MROH7: variants seen among roughly 807,000 people sequenced by gnomAD.
MROH7 encodes the protein maestro heat like repeat family member 7, also known as maestro heat-like repeat-containing protein family member 7.
MROH7 carries 113 observed loss-of-function variants against 129.2 expected under a neutral mutation model. That is an observed-to-expected ratio of 0.87 (90% CI 0.75 to 1.02). The LOEUF is 1.02. Ranked by LOEUF, MROH7 falls within the 50% of genes least tolerant of loss-of-function variation. MROH7 has a pLI of 0.00. For missense variants in MROH7, 1,601 were observed against 1,671.3 expected, an observed-to-expected ratio of 0.96 and a Z score of 0.73; for synonymous variants, 655 against 667.9, an observed-to-expected ratio of 0.98 and a Z score of 0.30.
chr1:54,685,092 A>G (rs1341495797), intron 14 of MROH7, among the ~76,000 whole-genome samples: 1 of 150,956 alleles, frequency 6.6e-6, no homozygotes, highest in East Asian at 2.0e-4. Flanking sequence ...TTGGTTCACC[A>G]CAACCCCTCC....
At position 54,653,576 on chromosome 1, in the gene MROH7, T is replaced by G. The variant is rs1361524559; in HGVS notation, c.650T>G (p.Leu217Trp). 1 of 1,614,150 alleles carries G rather than the reference T, an allele frequency of 6.2e-7. No individual in the cohort carries two copies. Among genetic ancestry groups the G allele is most frequent in the Non-Finnish European group, 8.5e-7 (1 of 1,180,018 alleles). The part of the protein sequence containing the change: ...NSSLDLDSNP[L>W]LNMGSRNTSK... The stretch of plus-strand genomic sequence containing the variant: ...TCTCTGGACCTTGACTCCAATCCAT[T>G]GCTCAACATGGGCTCAAGAAACACC... The change falls in exon 3 of 24, where the codon TTG becomes TGG. Residue 217 changes from leucine (L) to tryptophan (W), a missense_variant. Leu to Trp is a moderately conservative substitution (Grantham distance 61, BLOSUM62 -2). Coordinates refer to ENST00000421030, the MANE Select transcript of MROH7 (RefSeq NM_001039464.4).
In MROH7 at chr1:54,652,140, G is replaced by A. The variant is rs562032060; in HGVS notation, c.-75+157G>A. ...CTCCTCCACAGAGCCCACTTCACCC[G>A]GAACAAGCAAACTGTTAAGGCTATA... On this transcript the variant is annotated intron_variant, in intron 2 of 23. Transcript: ENST00000421030. Among the ~76,000 whole-genome samples, 89 of 152,156 alleles carry A rather than the reference G, an allele frequency of 5.8e-4. No individual in the cohort carries two copies. The South Asian group carries it at 0.018, about 30-fold the overall frequency.
chr1:54,694,157 C>G (rs187896720), intron 16 of MROH7, among the ~76,000 whole-genome samples: 1 of 152,204 alleles, frequency 6.6e-6, no homozygotes, highest in African/African-American at 2.4e-5. Context: ...GTTCGGATTA[C>G]AGGCGTGAGC....
At chr1:54,695,642 C>T (rs959580489) in intron 17 of MROH7, 152 bp downstream of exon 17, 11 of 689,496 alleles carry the variant, frequency 1.6e-5, no homozygotes, top group South Asian at 6.2e-5. Flanking sequence ...TTGTTGGTCT[C>T]CCTCCCTCCC....
At chr1:54,702,787 T>C (rs1392724624) in intron 21 of MROH7, 42 bp downstream of exon 21, 1 of 1,568,944 alleles carries the variant, frequency 6.4e-7, no homozygotes, top group Admixed American at 1.9e-5. Context: ...TACAAGCATG[T>C]TGGAGGTGGC....
chr1:54,676,381 G>T (rs1304583555), intron 10 of MROH7, among the ~76,000 whole-genome samples: 1 of 151,956 alleles, frequency 6.6e-6, no homozygotes, highest in Non-Finnish European at 1.5e-5. Flanking sequence ...GGGACTACAG[G>T]CACGTGCCAC....
chr1:54,690,459 T>A (rs1381704795), intron 15 of MROH7, among the ~76,000 whole-genome samples: 1 of 151,722 alleles, frequency 6.6e-6, no homozygotes, highest in Non-Finnish European at 1.5e-5. Context: ...TTTCCTTTTT[T>A]TTTTTAGACG....
At chr1:54,673,070 T>C in intron 7 of MROH7, 21 bp from the exon 8 acceptor site, 1 of 1,593,306 alleles carries the variant, frequency 6.3e-7, no homozygotes, top group Non-Finnish European at 8.6e-7. Flanking sequence ...CTTAGTGGCT[T>C]GGTCCTCCTC....
intron 1 of MROH7, among the ~76,000 whole-genome samples, chr1:54,645,156 A>G (rs577928386): frequency 9.2e-5 from 14 of 152,326 alleles, no homozygotes; most frequent in Admixed American, 3.9e-4. Flanking sequence ...CAAAAATTCC[A>G]ACATCTGATT....
chr1:54,655,665 G>A (rs570610772), intron 3 of MROH7, among the ~76,000 whole-genome samples: 1 of 151,938 alleles, frequency 6.6e-6, no homozygotes, highest in Non-Finnish European at 1.5e-5. Context: ...CTACAGGCAT[G>A]TTCCACCATG....
intron 16 of MROH7, 63 bp downstream of exon 16, chr1:54,692,624 TC>T (rs1426006577): frequency 6.5e-7 from 1 of 1,536,002 alleles, no homozygotes; most frequent in Non-Finnish European, 8.8e-7. Context: ...CTCAGGATCT[TC>T]AGACGGACTT....
chr1:54,686,439 T>C lies in MROH7; in HGVS notation c.2702T>C (p.Val901Ala), dbSNP rs776457719. ...TKKGAQPSPF[V>A]PVRWVVKVVK... Reference sequence around the variant, plus strand: ...AAGGGTGCACAGCCCTCTCCCTTCGTACCTGTGCGGTATGCTCTGCCCTCT... The same window carrying C: ...AAGGGTGCACAGCCCTCTCCCTTCGCACCTGTGCGGTATGCTCTGCCCTCT... Residue 901 changes from valine (V) to alanine (A), a missense_variant, in exon 15 of 24, where the codon GTA becomes GCA. Physicochemically the swap from Val to Ala is moderately conservative, Grantham distance 64. Coordinates refer to ENST00000421030, the MANE Select transcript of MROH7 (RefSeq NM_001039464.4). 6.8e-6 allele frequency: 11 copies of C among 1,613,970 alleles called. No homozygotes were observed. The East Asian group carries it at 2.0e-4, about 29-fold the overall frequency.
intron 3 of MROH7, among the ~76,000 whole-genome samples, chr1:54,654,597 T>C (rs1010611646): frequency 5.3e-5 from 8 of 152,010 alleles, no homozygotes; most frequent in African/African-American, 1.7e-4. Context: ...TGCTTGAACC[T>C]GGGAGGCAGA....
rs778582080 is a variant in MROH7, at chr1:54,673,811, T to G, written c.1800+6T>G. On this transcript the variant is annotated splice_donor_region_variant and intron_variant, in intron 9 of 23. Coordinates refer to ENST00000421030, the MANE Select transcript of MROH7 (RefSeq NM_001039464.4). ...TTCTAACTCTGCCTTTCTTTGTGAG[T>G]GGCCCCTGGGAGGGGTGGACACTCT... 6.2e-7 allele frequency: 1 copy of G among 1,609,448 alleles called. No homozygotes were observed. Among genetic ancestry groups the G allele is most frequent in the South Asian group, 1.1e-5 (1 of 90,966 alleles).
intron 15 of MROH7, among the ~76,000 whole-genome samples, chr1:54,687,628 T>C (rs1428658250): frequency 6.6e-6 from 1 of 152,230 alleles, no homozygotes; most frequent in Non-Finnish European, 1.5e-5. Context: ...AAAAAGCTCC[T>C]GACCATTGCA....
chr1:54,670,760 CT>C (rs1389664533), intron 6 of MROH7, 39 bp from the exon 7 acceptor site: 8 of 1,607,876 alleles, frequency 5.0e-6, no homozygotes, highest in Non-Finnish European at 5.9e-6. Flanking sequence ...CATAGGGCCC[CT>C]CTCTCACTCC....
intron 15 of MROH7, among the ~76,000 whole-genome samples, chr1:54,691,168 C>G (rs1007050037): frequency 1.3e-5 from 2 of 152,202 alleles, no homozygotes; most frequent in Non-Finnish European, 2.9e-5. Flanking sequence ...GTTTGTAACT[C>G]TGAATGCTAG....
chr1:54,644,279 C>T (rs973754931), intron 1 of MROH7, among the ~76,000 whole-genome samples: 5 of 151,008 alleles, frequency 3.3e-5, no homozygotes, highest in African/African-American at 1.2e-4. Context: ...TTGTTTAGAC[C>T]TTCCTTCCTT....
chr1:54,646,208 C>T lies in MROH7; in HGVS notation c.-110+4240C>T, dbSNP rs1477439208. Among the ~76,000 whole-genome samples the T allele has an allele frequency of 2.0e-5, 3 of 152,248 alleles. No homozygotes were observed. In the East Asian group the frequency reaches 5.8e-4, roughly 29 times the overall value. On this transcript the variant is annotated intron_variant, in intron 1 of 23. Coordinates refer to ENST00000421030, the MANE Select transcript of MROH7 (RefSeq NM_001039464.4). Reference sequence around the variant, plus strand: ...AAAATGTCTGATGCTGGGTGGAGGGCCCAGAGATCCAGGGTTCTGCTGACA... The same window carrying T: ...AAAATGTCTGATGCTGGGTGGAGGGTCCAGAGATCCAGGGTTCTGCTGACA...
Sources: gnomAD v4.1 joint callset for allele counts (sites outside exome capture counted in the v4.1 genomes callset) on GRCh38, gnomAD v4.1.1 for gene constraint, MANE v1.5 for transcripts, NCBI Gene and HGNC (gene_info 2026-07-23, HGNC 2026-07-21) for gene names.